LARP1: variants seen among roughly 807,000 people sequenced by gnomAD.
LARP1 encodes the protein la-related protein 1.
In LARP1, 36 loss-of-function variants were observed where a neutral mutation model predicts 122.7. The ratio of observed to expected loss-of-function variants is 0.29; its 90% CI spans 0.22 to 0.39. The LOEUF (loss-of-function observed/expected upper bound fraction) is 0.39, where lower values mean the gene tolerates loss of function less well. LARP1 is among the 10% of genes least tolerant of loss of function. LARP1 has a pLI of 1.00. For missense variants in LARP1, 1,040 were observed against 1,403.6 expected (o/e 0.74, Z 4.14); for synonymous variants, 539 against 528.7 (o/e 1.02, Z -0.27).
intron 16 of LARP1, among the ~76,000 whole-genome samples, chr5:154,810,879 G>C (rs1759212220): frequency 6.6e-6 from 1 of 152,194 alleles, no homozygotes; most frequent in South Asian, 2.1e-4. Flanking sequence ...TTATACCAGG[G>C]ATTGGCCAAC....
chr5:154,766,034 G>A (rs572344974), intron 1 of LARP1, among the ~76,000 whole-genome samples: 2 of 152,314 alleles, frequency 1.3e-5, no homozygotes, highest in South Asian at 4.2e-4. Context: ...GGTCAGAGAA[G>A]TCTTCTAGAA....
Position 154,702,894 on chromosome 5 carries a change from C to T in LARP1, c.-180+19857C>T, listed in dbSNP as rs76708976. Among the ~76,000 whole-genome samples, 398 of 151,358 alleles carry T rather than the reference C, an allele frequency of 2.6e-3. 7 individuals carry two copies. The East Asian group carries it at 0.042, about 16-fold the overall frequency. ...CAGCACTTTGGGAGGCCGAGGTGGG[C>T]GGATCACGAGGTCAGGAGTTCAAGA... On this transcript the variant is annotated intron_variant, in intron 1 of 18. Coordinates refer to the LARP1 transcript ENST00000687700.
At chr5:154,780,002 C>CT (rs1256511588) in intron 1 of LARP1, among the ~76,000 whole-genome samples, 1 of 152,124 alleles carries the variant, frequency 6.6e-6, no homozygotes, top group Non-Finnish European at 1.5e-5. Flanking sequence ...CCATCCTGAA[C>CT]TCACCGAGAG....
At chr5:154,706,547 G>A (rs1289944157) in intron 1 of LARP1, among the ~76,000 whole-genome samples, 2 of 151,912 alleles carry the variant, frequency 1.3e-5, no homozygotes, top group Non-Finnish European at 2.9e-5. Context: ...TAGACACTGA[G>A]GATTTACTTG....
intron 1 of LARP1, among the ~76,000 whole-genome samples, chr5:154,739,599 A>G (rs965981787): frequency 6.6e-6 from 1 of 151,684 alleles, no homozygotes; most frequent in Non-Finnish European, 1.5e-5. Context: ...GGGTCTTGCT[A>G]TGTTGACCAG....
chr5:154,730,835 A>G (rs1337523200), intron 1 of LARP1, among the ~76,000 whole-genome samples: 1 of 143,904 alleles, frequency 6.9e-6, no homozygotes. Flanking sequence ...GTCACTAACC[A>G]TGCCCCTACG....
At chr5:154,774,557 A>G (rs1038424345) in intron 1 of LARP1, among the ~76,000 whole-genome samples, 1 of 152,238 alleles carries the variant, frequency 6.6e-6, no homozygotes, top group South Asian at 2.1e-4. Context: ...ACCCTTGGAT[A>G]TAACGGGTTG....
At position 154,813,966 on chromosome 5, in the gene LARP1, GC is replaced by G; in HGVS notation, c.3165del (p.Ser1056ProfsTer10). ...GGGGGEGRKR[C>X]PSQSSSRPAA... ...GGCGGCGGTGAGGGCAGGAAGCGGT[GC>G]CCCTCCCAGTCTTCCAGCAGGCCTG... On this transcript the variant is annotated frameshift_variant, in exon 19 of 19. Transcript: ENST00000518297. LOFTEE classifies it high-confidence loss of function. The G allele has an allele frequency of 6.2e-7, 1 of 1,614,038 alleles. No individual in the cohort carries two copies.
chr5:154,738,938 A>G (rs1757065658), intron 1 of LARP1, among the ~76,000 whole-genome samples: 1 of 152,198 alleles, frequency 6.6e-6, no homozygotes, highest in Non-Finnish European at 1.5e-5. Flanking sequence ...CAGAAACATA[A>G]AACAAAACAA....
rs535252852 is a variant in LARP1 at position 154,817,330 on chromosome 5, C to T, written c.*3234C>T. The stretch of plus-strand genomic sequence containing the variant: ...GCCCATTTCTCACTGGAGAGGAAAA[C>T]TTGTCATCTGGCTTTGCGGAGAAGG... On this transcript the variant is annotated 3_prime_UTR_variant, in exon 19 of 19. Coordinates refer to ENST00000518297, the MANE Select transcript of LARP1 (RefSeq NM_033551.3). 4 of 152,708 alleles carry T rather than the reference C, an allele frequency of 2.6e-5. No homozygotes were observed. In the South Asian group the frequency reaches 8.3e-4, roughly 32 times the overall value. The allele number at this position is 152,708 out of a possible 1,614,324, so 9.5% of individuals were successfully genotyped here.
At chr5:154,736,104 T>TTC (rs1020007921) in intron 1 of LARP1, among the ~76,000 whole-genome samples, 6 of 151,738 alleles carry the variant, frequency 4.0e-5, no homozygotes, top group African/African-American at 1.5e-4. Context: ...AATTTTCTTT[T>TTC]TTTTTTTTTG....
intron 16 of LARP1, among the ~76,000 whole-genome samples, chr5:154,809,208 T>C (rs974319347): frequency 2.0e-5 from 3 of 151,742 alleles, no homozygotes; most frequent in Admixed American, 6.6e-5. Context: ...CTCACGCCTA[T>C]AATCCCAGCG....
Position 154,805,871 on chromosome 5 carries a change from G to C in LARP1, c.2547-10G>C. ...GAACCTGGTGACAGTATTTTTTGTG[G>C]TTTCTGTAGCTCCAGCCCCTCAGAA... is the stretch of plus-strand genomic sequence containing the variant. On this transcript the variant is annotated splice_polypyrimidine_tract_variant and intron_variant, in intron 14 of 18. Transcript: ENST00000518297. 1.2e-6 allele frequency: 2 copies of C among 1,610,396 alleles called. No homozygotes were observed. The highest frequency in any genetic ancestry group is 2.2e-5 in the South Asian group (2 of 90,574).
chr5:154,744,938 C>A lies in LARP1; in HGVS notation c.205+31808C>A, dbSNP rs1219652294. Among the ~76,000 whole-genome samples the A allele has an allele frequency of 8.6e-5, 9 of 104,808 alleles. 2 individuals carry two copies. The highest frequency in any genetic ancestry group is 4.1e-4 in the African/African-American group (9 of 21,756). 68.8% of individuals were successfully genotyped at this position (104,808 alleles called of 152,430 possible). On this transcript the variant is annotated intron_variant, in intron 1 of 18. Coordinates refer to the LARP1 transcript ENST00000336314. Reference sequence around the variant, plus strand: ...AGGCGTGAGCCACCGCGCCCGGCCGCTTTTTTTGAGATGGAGTCTCGCTCT... The same window carrying A: ...AGGCGTGAGCCACCGCGCCCGGCCGATTTTTTTGAGATGGAGTCTCGCTCT...
At chr5:154,736,656 C>G (rs1487447559) in intron 1 of LARP1, among the ~76,000 whole-genome samples, 1 of 151,780 alleles carries the variant, frequency 6.6e-6, no homozygotes, top group African/African-American at 2.4e-5. Flanking sequence ...ACCTCTGCCT[C>G]CTGGGTTCAA....
At chr5:154,690,696 A>C (rs1754153415) in intron 1 of LARP1, among the ~76,000 whole-genome samples, 1 of 152,186 alleles carries the variant, frequency 6.6e-6, no homozygotes, top group Non-Finnish European at 1.5e-5. Flanking sequence ...AGGGACTCCC[A>C]GGCACGATGG....
intron 1 of LARP1, among the ~76,000 whole-genome samples, chr5:154,789,650 AT>A (rs1334412159): frequency 6.6e-6 from 1 of 152,128 alleles, no homozygotes; most frequent in Non-Finnish European, 1.5e-5. Context: ...TTTGTTTTCC[AT>A]TTTTTGAAGT....
chr5:154,816,935 C>T lies in LARP1; in HGVS notation c.*2839C>T, dbSNP rs1484927396. The T allele has an allele frequency of 6.6e-6, 1 of 152,160 alleles. No individual in the cohort carries two copies. The highest frequency in any genetic ancestry group is 6.5e-5 in the Admixed American group (1 of 15,278). The allele number at this position is 152,160 out of a possible 1,614,324, so 9.4% of individuals were successfully genotyped here. A position where few individuals can be genotyped will look rare whatever the true frequency, so the allele number is the denominator to read the frequency against. ...GAAGGGCCATCCAGCCGTGCCCCAG[C>T]CTGGACCCCTGGGGCTCAGATAGAG... On this transcript the variant is annotated 3_prime_UTR_variant, in exon 19 of 19. Transcript: ENST00000518297.
intron 2 of LARP1, 26 bp from the exon 3 acceptor site, chr5:154,790,619 G>C (rs763662280): frequency 1.1e-5 from 17 of 1,612,896 alleles, no homozygotes; most frequent in Non-Finnish European, 1.4e-5. Flanking sequence ...CACTCCTGGG[G>C]CCCTCATAGT....
Sources: gnomAD v4.1 joint callset for allele counts (sites outside exome capture counted in the v4.1 genomes callset) on GRCh38, gnomAD v4.1.1 for gene constraint, MANE v1.5 for transcripts, NCBI Gene and HGNC (gene_info 2026-07-23, HGNC 2026-07-21) for gene names.